Variants in HIRA observed in about 807,000 individuals in gnomAD.
HIRA encodes the protein histone cell cycle regulator, also known as protein HIRA.
In HIRA, 13 loss-of-function variants were observed where a neutral mutation model predicts 126.6. The ratio of observed to expected loss-of-function variants is 0.10; its 90% CI spans 0.07 to 0.16. HIRA has a LOEUF of 0.16. HIRA is among the 10% of genes least tolerant of loss of function. HIRA has a pLI of 1.00. For missense variants in HIRA, 834 were observed against 1,314.4 expected (o/e 0.63, Z 5.65); for synonymous variants, 511 against 520.0 (o/e 0.98, Z 0.24).
At chr22:19,375,865 T>A (rs1277111385) in intron 14 of HIRA, 73 bp from the exon 15 acceptor site, 1 of 1,497,790 alleles carries the variant, frequency 6.7e-7, no homozygotes, top group African/African-American at 1.4e-5. Flanking sequence ...TTTGCATTAT[T>A]TGGAGCCTAC....
Position 19,391,487 on chromosome 22 carries a change from T to C in HIRA, c.936+614A>G, listed in dbSNP as rs1312458642. Among the ~76,000 whole-genome samples the C allele has an allele frequency of 2.7e-5, 4 of 150,560 alleles. No homozygotes were observed. The South Asian group carries it at 6.3e-4, about 24-fold the overall frequency. The stretch of plus-strand genomic sequence containing the variant: ...TATATAAAGATTTTTCTTTTTCTTT[T>C]TTTTTTTTTTTTGAGACGGAGTCTC... On this transcript the variant is annotated intron_variant, in intron 9 of 24. Coordinates refer to ENST00000263208, the MANE Select transcript of HIRA (RefSeq NM_003325.4).
At position 19,381,529 on chromosome 22, in the gene HIRA, TGA is replaced by T. The variant is rs1443766968; in HGVS notation, c.1415+2089_1415+2090del. On this transcript the variant is annotated intron_variant, in intron 13 of 24. Transcript: ENST00000263208. ...TACCAAAACGCCTATTAAGCATCGA[TGA>T]GAGATCATATAATTTTTTTTCTTTT... is the stretch of plus-strand genomic sequence containing the variant. Among the ~76,000 whole-genome samples the T allele has an allele frequency of 1.6e-4, 25 of 152,328 alleles. 1 individual carries two copies. Among genetic ancestry groups the T allele is most frequent in the East Asian group, 1.9e-4 (1 of 5,190 alleles).
intron 10 of HIRA, 41 bp from the exon 11 acceptor site, chr22:19,387,857 C>T: frequency 6.9e-7 from 1 of 1,450,020 alleles, no homozygotes. Context: ...GCAAGAGCCC[C>T]AGGCAGACAC....
intron 12 of HIRA, among the ~76,000 whole-genome samples, chr22:19,384,912 C>T (rs2146217443): frequency 6.6e-6 from 1 of 152,164 alleles, no homozygotes; most frequent in African/African-American, 2.4e-5. Flanking sequence ...CCTCAGCCTC[C>T]CAAAGTGCTG....
intron 1 of HIRA, among the ~76,000 whole-genome samples, chr22:19,414,921 T>C (rs2089383375): frequency 6.7e-6 from 1 of 150,288 alleles, no homozygotes; most frequent in Admixed American, 6.6e-5. Context: ...ATAAGGTGGG[T>C]GCAAACAACA....
chr22:19,364,801 C>G (rs926840578), intron 15 of HIRA, among the ~76,000 whole-genome samples: 2 of 152,070 alleles, frequency 1.3e-5, no homozygotes, highest in African/African-American at 4.8e-5. Flanking sequence ...AGTGTTAAAC[C>G]AAAAGCTAAA....
chr22:19,376,103 C>T (rs1156776412), intron 14 of HIRA, among the ~76,000 whole-genome samples: 2 of 152,154 alleles, frequency 1.3e-5, no homozygotes, highest in African/African-American at 4.8e-5. Context: ...ACTGCCCTAT[C>T]TCCACAACTT....
intron 1 of HIRA, among the ~76,000 whole-genome samples, chr22:19,421,862 C>T (rs1247463824): frequency 1.3e-5 from 2 of 152,044 alleles, no homozygotes; most frequent in Non-Finnish European, 2.9e-5. Flanking sequence ...AGTAGAGACG[C>T]ATTTTTGCCA....
chr22:19,354,049 C>T lies in HIRA; in HGVS notation c.2631G>A (p.Gln877=). The T allele has an allele frequency of 6.2e-7, 1 of 1,613,498 alleles. No homozygotes were observed. The highest frequency in any genetic ancestry group is 1.1e-5 in the South Asian group (1 of 90,836). ...ACGGTCCTGAGCACAGCATGGCGTC[C>T]TGGGATGGCAGGCTGCTCCTAAAGT... The part of the protein sequence containing the change: ...CADFRSSLPS[Q]DAMLCSGPLA... Residue 877 remains glutamine (Q), a synonymous_variant, in exon 22 of 25, where the codon CAG becomes CAA. Transcript: ENST00000263208.
At chr22:19,348,087 T>C (rs2088708069) in intron 24 of HIRA, among the ~76,000 whole-genome samples, 1 of 152,202 alleles carries the variant, frequency 6.6e-6, no homozygotes, top group Non-Finnish European at 1.5e-5. Flanking sequence ...AACTAGCCTC[T>C]ATACCAGCTG....
At chr22:19,347,409 T>A (rs1157267851) in intron 24 of HIRA, among the ~76,000 whole-genome samples, 1 of 152,196 alleles carries the variant, frequency 6.6e-6, no homozygotes, top group South Asian at 2.1e-4. Flanking sequence ...GCAGCTGATA[T>A]CTGAGAAGAT....
intron 15 of HIRA, among the ~76,000 whole-genome samples, chr22:19,366,933 T>C (rs2088919091): frequency 1.3e-5 from 2 of 152,080 alleles, no homozygotes; most frequent in African/African-American, 2.4e-5. Context: ...GGCTAATTTT[T>C]TGTATTTTTA....
intron 24 of HIRA, among the ~76,000 whole-genome samples, chr22:19,346,241 G>A (rs1205840077): frequency 2.6e-5 from 4 of 152,242 alleles, no homozygotes; most frequent in African/African-American, 9.6e-5. Context: ...ATAAGGCCAG[G>A]CACGGTGGCT....
At chr22:19,379,416 A>G (rs541635459) in intron 13 of HIRA, among the ~76,000 whole-genome samples, 68 of 150,778 alleles carry the variant, frequency 4.5e-4, no homozygotes, top group Non-Finnish European at 8.6e-4. Flanking sequence ...CACGAGGTCA[A>G]GAGTTCGAGA....
chr22:19,361,459 G>A (rs1333721257), intron 16 of HIRA, 118 bp from the exon 17 acceptor site: 2 of 875,312 alleles, frequency 2.3e-6, no homozygotes, highest in South Asian at 1.5e-5. Context: ...CACCCTGGGA[G>A]GGAGGAAGCA....
intron 8 of HIRA, among the ~76,000 whole-genome samples, chr22:19,393,200 A>G (rs2089196629): frequency 6.6e-6 from 1 of 152,206 alleles, no homozygotes; most frequent in Non-Finnish European, 1.5e-5. Context: ...AATCACGTAG[A>G]GCACTAACCA....
At chr22:19,393,408 A>T (rs2089198222) in intron 8 of HIRA, among the ~76,000 whole-genome samples, 1 of 151,880 alleles carries the variant, frequency 6.6e-6, no homozygotes, top group African/African-American at 2.4e-5. Flanking sequence ...CCCAGGCTGG[A>T]GTACGGTGGC....
chr22:19,415,278 T>C (rs2089387004), intron 1 of HIRA, among the ~76,000 whole-genome samples: 1 of 152,196 alleles, frequency 6.6e-6, no homozygotes, highest in South Asian at 2.1e-4. Context: ...TGCATTTCTA[T>C]ACACCAACAA....
rs1266204622 is a variant in HIRA, at chr22:19,392,151, G to A, written c.886C>T (p.Pro296Ser). 1 of 1,608,330 alleles carries A rather than the reference G, an allele frequency of 6.2e-7. No individual in the cohort carries two copies. Among genetic ancestry groups the A allele is most frequent in the East Asian group, 2.2e-5 (1 of 44,740 alleles). Reference protein sequence around the residue: ...KNGSSAKPSCPYCCCAVGSKD... With the variant: ...KNGSSAKPSCSYCCCAVGSKD... ...CTGCCAACAGCACAGCAGCAGTACG[G>A]GCAGCTAGGCTTCGCAGAACTCCCA... Residue 296 changes from proline to serine, a missense_variant, in exon 9 of 25, where the codon CCG becomes TCG. Physicochemically the swap from Pro to Ser is moderately conservative, Grantham distance 74. Around this residue, in one of 5 missense-constraint regions of HIRA, gnomAD observed 153 missense variants for 270.6 expected, o/e 0.57. Transcript: ENST00000263208.
Sources: allele counts gnomAD v4.1 joint callset (sites outside exome capture counted in the v4.1 genomes callset), GRCh38; gene constraint gnomAD v4.1.1; regional missense constraint gnomAD v4.1.1; transcripts MANE v1.5; gene names NCBI Gene and HGNC (gene_info 2026-07-23, HGNC 2026-07-21).